The following DAB2IP variants were observed in gnomAD, a reference collection of about 807,000 sequenced individuals.
The protein encoded by DAB2IP is disabled homolog 2-interacting protein.
DAB2IP carries 28 observed loss-of-function variants against 107.2 expected under a neutral mutation model. The observed-to-expected ratio is 0.26, with a 90% CI of 0.19 to 0.36. The LOEUF (loss-of-function observed/expected upper bound fraction) is 0.36. Among genes scored for constraint, DAB2IP ranks in the 10% least tolerant of loss-of-function variants. The pLI is 1.00. For synonymous variants in DAB2IP, 755 were observed against 706.4 expected, an observed-to-expected ratio of 1.07 and a Z score of -1.09; for missense variants, 1,400 against 1,644.7, an observed-to-expected ratio of 0.85 and a Z score of 2.57.
intron 14 of DAB2IP, among the ~76,000 whole-genome samples, chr9:121,780,888 A>G (rs1052038942): frequency 2.6e-5 from 4 of 152,182 alleles, no homozygotes; most frequent in Non-Finnish European, 5.9e-5. Context: ...GCGACCTCCC[A>G]GCCCACCCTC....
intron 3 of DAB2IP, among the ~76,000 whole-genome samples, chr9:121,714,968 G>A (rs937887416): frequency 6.6e-6 from 1 of 152,268 alleles, no homozygotes; most frequent in Non-Finnish European, 1.5e-5. Flanking sequence ...ATCCTAAGAA[G>A]TGGATATTTC....
At chr9:121,775,784 G>A (rs1252512848) in intron 13 of DAB2IP, among the ~76,000 whole-genome samples, 1 of 152,206 alleles carries the variant, frequency 6.6e-6, no homozygotes, top group African/African-American at 2.4e-5. Context: ...ATGTGACATG[G>A]TCACCTTGTC....
At chr9:121,668,063 A>G (rs1179211510) in intron 1 of DAB2IP, among the ~76,000 whole-genome samples, 4 of 152,182 alleles carry the variant, frequency 2.6e-5, no homozygotes, top group African/African-American at 7.2e-5. Context: ...GCTATGGGGA[A>G]ACCGCCCCCA....
intron 2 of DAB2IP, among the ~76,000 whole-genome samples, chr9:121,686,045 G>A (rs1326916457): frequency 6.6e-6 from 1 of 152,218 alleles, no homozygotes; most frequent in Non-Finnish European, 1.5e-5. Flanking sequence ...AGCAGACATG[G>A]AGTGCAGCAT....
intron 3 of DAB2IP, among the ~76,000 whole-genome samples, chr9:121,709,171 A>G (rs1830206308): frequency 6.6e-6 from 1 of 152,142 alleles, no homozygotes. Context: ...ACAAAAACAG[A>G]AACTAGTGTC....
Position 121,681,559 on chromosome 9 carries a change from T to C in DAB2IP, c.228+2778T>C, listed in dbSNP as rs574905056. On this transcript the variant is annotated intron_variant, in intron 2 of 15. Coordinates refer to ENST00000408936, the Ensembl canonical transcript of DAB2IP. ...AGGTGGTCGTTTTGCCCACTTCTCA[T>C]GGCAACCCTCTAGGGGAGGCACCAT... Among the ~76,000 whole-genome samples, 6 of 152,218 alleles carry C rather than the reference T, an allele frequency of 3.9e-5. 1 individual carries two copies. In the South Asian group the frequency reaches 6.2e-4, roughly 16 times the overall value.
chr9:121,726,307 G>C (rs957914160), intron 3 of DAB2IP, among the ~76,000 whole-genome samples: 6 of 152,180 alleles, frequency 3.9e-5, no homozygotes, highest in African/African-American at 1.4e-4. Context: ...TTCCTGGAGG[G>C]TTCCTAGGGA....
chr9:121,738,850 T>C (rs905999313), intron 3 of DAB2IP, among the ~76,000 whole-genome samples: 1 of 152,202 alleles, frequency 6.6e-6, no homozygotes, highest in African/African-American at 2.4e-5. Context: ...GACCCTCTCT[T>C]AAGACACAGA....
exon 7 of DAB2IP, chr9:121,763,556 G>A (rs748318668): frequency 1.7e-5 from 27 of 1,613,924 alleles, no homozygotes; most frequent in Non-Finnish European, 2.2e-5. Flanking sequence ...CGGGGACAAC[G>A]AGCACCTCAT....
intron 3 of DAB2IP, chr9:121,737,196 C>T (rs934446156): frequency 2.1e-6 from 2 of 938,370 alleles, no homozygotes; most frequent in Middle Eastern, 5.4e-4. Context: ...GGCCTGCACC[C>T]TGCCCAGAGG....
At chr9:121,751,845 C>T (rs1473520905) in intron 3 of DAB2IP, 2 of 859,252 alleles carry the variant, frequency 2.3e-6, no homozygotes, top group East Asian at 2.4e-4. Flanking sequence ...CTCCCATGCC[C>T]TGGCCAAGCT....
chr9:121,783,711 T>G, exon 16 of DAB2IP: 12 of 924,954 alleles, frequency 1.3e-5, no homozygotes, highest in Admixed American at 4.0e-5. Flanking sequence ...CTCCTCACCC[T>G]TCCCGGCCCC....
Position 121,699,196 on chromosome 9 carries a change from C to T in DAB2IP, c.229-129C>T. 1 of 968,262 alleles carries T rather than the reference C, an allele frequency of 1.0e-6. No individual in the cohort carries two copies. Among genetic ancestry groups the T allele is most frequent in the Non-Finnish European group, 1.2e-6 (1 of 817,588 alleles). The allele number at this position is 968,262 out of a possible 1,614,324, so 60.0% of individuals were successfully genotyped here. ...GGCGCGGGCCGCGAGCTGCTGGGGC[C>T]GAGCCCGAGCCCGGCCCGCCCTCGG... On this transcript the variant is annotated intron_variant, in intron 2 of 15. Transcript: ENST00000408936. The surrounding 1 kb of genome is among the most constrained non-coding windows in gnomAD (Gnocchi z 6.2).
chr9:121,608,458 G>T (rs972343064), intron 1 of DAB2IP, among the ~76,000 whole-genome samples: 1 of 152,194 alleles, frequency 6.6e-6, no homozygotes, highest in Non-Finnish European at 1.5e-5. Flanking sequence ...GGGAGACTGA[G>T]AATGAATTGA....
chr9:121,593,035 C>T (rs1830448321), intron 1 of DAB2IP, among the ~76,000 whole-genome samples: 1 of 152,204 alleles, frequency 6.6e-6, no homozygotes, highest in Non-Finnish European at 1.5e-5. Context: ...TTCTCATCTC[C>T]TGGGCCAGCC....
chr9:121,699,210 G>T lies in DAB2IP; in HGVS notation c.229-115G>T, dbSNP rs932586878. 230 of 987,764 alleles carry T rather than the reference G, an allele frequency of 2.3e-4. No individual in the cohort carries two copies. The highest frequency in any genetic ancestry group is 2.7e-4 in the Non-Finnish European group (224 of 832,518). 61.2% of individuals were successfully genotyped at this position (987,764 alleles called of 1,614,324 possible). On this transcript the variant is annotated intron_variant, in intron 2 of 15. Coordinates refer to ENST00000408936, the Ensembl canonical transcript of DAB2IP. This position sits in a 1 kb window ranked among gnomAD's most constrained non-coding sequence, Gnocchi z 6.2. ...GCTGCTGGGGCCGAGCCCGAGCCCG[G>T]CCCGCCCTCGGCCGCGCGGCCGCCC... is the stretch of plus-strand genomic sequence containing the variant.
intron 1 of DAB2IP, among the ~76,000 whole-genome samples, chr9:121,623,488 T>G (rs979842521): frequency 6.6e-6 from 1 of 152,080 alleles, no homozygotes; most frequent in African/African-American, 2.4e-5. Flanking sequence ...CACCTCAGCC[T>G]CCAGAGTAGC....
chr9:121,665,907 C>A (rs185710117), intron 1 of DAB2IP, among the ~76,000 whole-genome samples: 246 of 152,306 alleles, frequency 1.6e-3, no homozygotes, highest in African/African-American at 5.7e-3. Context: ...TTTAATGTAA[C>A]TAGAATATGT....
chr9:121,716,443 T>C (rs530313145), intron 3 of DAB2IP, among the ~76,000 whole-genome samples: 3 of 152,352 alleles, frequency 2.0e-5, no homozygotes, highest in East Asian at 1.9e-4. Flanking sequence ...TTGCGAAATA[T>C]AAACTGCAGC....
Sources: gnomAD v4.1 joint callset for allele counts (sites outside exome capture counted in the v4.1 genomes callset) on GRCh38, gnomAD v4.1.1 for gene constraint, Gnocchi (gnomAD v3.1) non-coding constraint, MANE v1.5 for transcripts, NCBI Gene and HGNC (gene_info 2026-07-23, HGNC 2026-07-21) for gene names.